Variants in ADAM2 observed in about 807,000 individuals in gnomAD.
The protein encoded by ADAM2 is disintegrin and metalloproteinase domain-containing protein 2.
ADAM2 carries 101 observed loss-of-function variants against 99.3 expected under a neutral mutation model. The ratio of observed to expected loss-of-function variants is 1.02; its 90% CI spans 0.87 to 1.20. The LOEUF (loss-of-function observed/expected upper bound fraction) is 1.20, where lower values mean the gene tolerates loss of function less well. Among genes scored for constraint, ADAM2 ranks in the 50% most tolerant of loss-of-function variants. ADAM2 has a pLI of 0.00. For missense variants in ADAM2, 948 were observed against 878.7 expected (o/e 1.08, Z -1.00); for synonymous variants, 323 against 287.6 (o/e 1.12, Z -1.25).
At chr8:39,796,949 T>A (rs775795471) in intron 7 of ADAM2, among the ~76,000 whole-genome samples, 17 of 152,222 alleles carry the variant, frequency 1.1e-4, no homozygotes, top group Non-Finnish European at 2.5e-4. Flanking sequence ...TAGACTTTTG[T>A]CAGATGGGTA....
chr8:39,814,791 A>G (rs1375752737), intron 6 of ADAM2, among the ~76,000 whole-genome samples: 2 of 151,800 alleles, frequency 1.3e-5, no homozygotes, highest in Non-Finnish European at 2.9e-5. Context: ...CTGGGACTGA[A>G]TATCTGTAGG....
intron 6 of ADAM2, among the ~76,000 whole-genome samples, chr8:39,810,516 T>C (rs1195329027): frequency 6.6e-6 from 1 of 152,184 alleles, no homozygotes; most frequent in African/African-American, 2.4e-5. Context: ...TATTCCAAAA[T>C]TGACCACATA....
intron 7 of ADAM2, among the ~76,000 whole-genome samples, chr8:39,801,561 A>C (rs1181426969): frequency 2.0e-5 from 3 of 152,106 alleles, no homozygotes; most frequent in Non-Finnish European, 2.9e-5. Flanking sequence ...GGTGTGTTTT[A>C]CTAGGGGGAA....
In ADAM2 at chr8:39,788,090, TA is replaced by T; in HGVS notation, c.803del (p.Leu268TyrfsTer35). Reference protein sequence around the residue: ...LVLRPHDVAFLLVYREKSNYV... With the variant: ...LVLRPHDVAFXLVYREKSNYV... Reference sequence around the variant, plus strand: ...TAATGTCAAGATATCCTTACACAAGTAAAAATGCCACATCATGAGGACGTAA... The same window carrying T: ...TAATGTCAAGATATCCTTACACAAGTAAAATGCCACATCATGAGGACGTAA... On this transcript the variant is annotated frameshift_variant, in exon 9 of 21. Transcript: ENST00000265708. LOFTEE classifies it high-confidence loss of function. 1 of 1,525,702 alleles carries T rather than the reference TA, an allele frequency of 6.6e-7. No homozygotes were observed. The highest frequency in any genetic ancestry group is 1.3e-5 in the South Asian group (1 of 75,200). 94.5% of individuals were successfully genotyped at this position (1,525,702 alleles called of 1,614,324 possible).
intron 9 of ADAM2, among the ~76,000 whole-genome samples, chr8:39,787,413 C>T (rs951401541): frequency 6.6e-6 from 1 of 151,268 alleles, no homozygotes; most frequent in African/African-American, 2.4e-5. Context: ...ACTCTATGGA[C>T]TAAAGTCTCT....
intron 7 of ADAM2, among the ~76,000 whole-genome samples, chr8:39,792,171 CTGG>C (rs1803743330): frequency 6.6e-6 from 1 of 151,576 alleles, no homozygotes; most frequent in Non-Finnish European, 1.5e-5. Context: ...ACTCTATCTT[CTGG>C]TATACCTGCT....
intron 16 of ADAM2, among the ~76,000 whole-genome samples, chr8:39,753,483 T>A (rs1231923370): frequency 6.6e-6 from 1 of 151,454 alleles, no homozygotes; most frequent in Non-Finnish European, 1.5e-5. Flanking sequence ...GAAATTTGCA[T>A]AAGTAATGAG....
In ADAM2 at chr8:39,795,411, T is replaced by C. The variant is rs187926331; in HGVS notation, c.571-6671A>G. On this transcript the variant is annotated intron_variant, in intron 7 of 20. Coordinates refer to ENST00000265708, the MANE Select transcript of ADAM2 (RefSeq NM_001464.5). ...AGAAACATTTACAATCTATTCTCTC[T>C]GAAGCCTGCTACCTGGAGGCTTCAT... Among the ~76,000 whole-genome samples, 94 of 152,276 alleles carry C rather than the reference T, an allele frequency of 6.2e-4. No homozygotes were observed. The East Asian group carries it at 0.016, about 26-fold the overall frequency.
At chr8:39,820,915 G>A in intron 6 of ADAM2, 87 bp downstream of exon 6, 2 of 854,470 alleles carry the variant, frequency 2.3e-6, no homozygotes, top group South Asian at 2.2e-5. Context: ...TTATGGGTGT[G>A]TAAATATGTA....
intron 6 of ADAM2, 127 bp downstream of exon 6, chr8:39,820,875 A>G (rs1253158448): frequency 1.9e-6 from 1 of 538,148 alleles, no homozygotes; most frequent in African/African-American, 1.9e-5. Context: ...TGGTACATGT[A>G]TCCATACATG....
chr8:39,767,575 G>T (rs554154710), intron 12 of ADAM2, among the ~76,000 whole-genome samples: 1 of 152,076 alleles, frequency 6.6e-6, no homozygotes, highest in Non-Finnish European at 1.5e-5. Context: ...AATACAAGAC[G>T]TAAAATAAAC....
At chr8:39,753,618 G>A (rs934455967) in intron 16 of ADAM2, among the ~76,000 whole-genome samples, 1 of 152,112 alleles carries the variant, frequency 6.6e-6, no homozygotes, top group African/African-American at 2.4e-5. Context: ...CCTGGGCAGG[G>A]CCCAGGGTCC....
intron 6 of ADAM2, among the ~76,000 whole-genome samples, chr8:39,812,179 C>T (rs911885862): frequency 9.9e-5 from 15 of 152,124 alleles, no homozygotes; most frequent in African/African-American, 3.6e-4. Flanking sequence ...TTCACAATTG[C>T]TTCAAAGAGA....
At chr8:39,771,590 G>A (rs956550853) in intron 11 of ADAM2, among the ~76,000 whole-genome samples, 2 of 152,042 alleles carry the variant, frequency 1.3e-5, no homozygotes, top group African/African-American at 4.8e-5. Context: ...AAACTTGATG[G>A]TATCAAACTC....
chr8:39,824,777 ACACT>A (rs2129588527), intron 4 of ADAM2, 38 bp downstream of exon 4: 1 of 1,002,456 alleles, frequency 1.0e-6, no homozygotes. Context: ...GTGATCATAG[ACACT>A]CACATGACAA....
intron 2 of ADAM2, among the ~76,000 whole-genome samples, chr8:39,836,264 A>G (rs1481085774): frequency 6.6e-6 from 1 of 152,148 alleles, no homozygotes; most frequent in Non-Finnish European, 1.5e-5. Flanking sequence ...CTTGTTTGAA[A>G]TACTTCTCTC....
chr8:39,763,784 C>T (rs1292016242), intron 14 of ADAM2, among the ~76,000 whole-genome samples: 1 of 152,204 alleles, frequency 6.6e-6, no homozygotes, highest in African/African-American at 2.4e-5. Context: ...AGTAAAGAAT[C>T]TGAACCGGTT....
intron 7 of ADAM2, among the ~76,000 whole-genome samples, chr8:39,790,001 T>C (rs1335476851): frequency 6.6e-6 from 1 of 151,814 alleles, no homozygotes. Context: ...CAAATTCACA[T>C]CCATTAGAAT....
chr8:39,792,288 G>A (rs61297070), intron 7 of ADAM2, among the ~76,000 whole-genome samples: 27,517 of 151,726 alleles, frequency 0.18, 2,798 homozygotes, highest in East Asian at 0.29. Flanking sequence ...GCTTTTATGA[G>A]GAATGTTATA....
Sources: allele counts gnomAD v4.1 joint callset (sites outside exome capture counted in the v4.1 genomes callset), GRCh38; gene constraint gnomAD v4.1.1; transcripts MANE v1.5; gene names NCBI Gene and HGNC (gene_info 2026-07-23, HGNC 2026-07-21).